CACFD1: variants seen among roughly 807,000 people sequenced by gnomAD.
CACFD1 encodes the protein calcium channel flower homolog.
CACFD1 carries 26 observed loss-of-function variants against 21.3 expected under a neutral mutation model. The ratio of observed to expected loss-of-function variants is 1.22; its 90% CI spans 0.89 to 1.69. The LOEUF (loss-of-function observed/expected upper bound fraction) is 1.69. Among genes scored for constraint, CACFD1 ranks in the 40% most tolerant of loss-of-function variants. The probability of loss-of-function intolerance (pLI) is 0.00; values close to 1 mark genes in which losing one functional copy is unlikely to be tolerated. For missense variants in CACFD1, 265 were observed against 236.2 expected, an observed-to-expected ratio of 1.12 and a Z score of -0.80; for synonymous variants, 121 against 106.6, an observed-to-expected ratio of 1.13 and a Z score of -0.83.
At position 133,469,742 on chromosome 9, in the gene CACFD1, G is replaced by T. The variant is rs1482933560; in HGVS notation, c.*1089G>T. 1 of 152,326 alleles carries T rather than the reference G, an allele frequency of 6.6e-6. No individual in the cohort carries two copies. Among genetic ancestry groups the T allele is most frequent in the Non-Finnish European group, 1.5e-5 (1 of 68,092 alleles). 9.4% of individuals were successfully genotyped at this position (152,326 alleles called of 1,614,324 possible). On this transcript the variant is annotated 3_prime_UTR_variant, in exon 5 of 5. Transcript: ENST00000316948. Reference sequence around the variant, plus strand: ...TCTCTGACCGTGAGGCTGGCTCTCAGCCATCGGGCAGGTGCCTGGTCGGGC... The same window carrying T: ...TCTCTGACCGTGAGGCTGGCTCTCATCCATCGGGCAGGTGCCTGGTCGGGC...
chr9:133,468,305 G>C, intron 4 of CACFD1: 1 of 1,526,286 alleles, frequency 6.6e-7, no homozygotes, highest in Non-Finnish European at 8.8e-7. Context: ...GTCTGCACCG[G>C]GCATTGTACT....
intron 1 of CACFD1, among the ~76,000 whole-genome samples, chr9:133,461,153 G>C (rs1178814206): frequency 6.6e-6 from 1 of 152,260 alleles, no homozygotes; most frequent in African/African-American, 2.4e-5. Flanking sequence ...CTGGCAGAGA[G>C]GGCTAGCTCT....
chr9:133,460,091 G>A lies in CACFD1; in HGVS notation c.25G>A (p.Gly9Arg), dbSNP rs782329177. The part of the protein sequence containing the change: MSSSGGAP[G>R]ASASSAPPAQ... Reference sequence around the variant, plus strand: ...CATGAGCAGCTCAGGTGGGGCGCCCGGGGCGTCCGCCAGCTCTGCGCCGCC... The same window carrying A: ...CATGAGCAGCTCAGGTGGGGCGCCCAGGGCGTCCGCCAGCTCTGCGCCGCC... The change falls in exon 1 of 5, where the codon GGG becomes AGG. Residue 9 changes from glycine (G) to arginine (R), a missense_variant. Gly to Arg is a moderately radical substitution (Grantham distance 125). Transcript: ENST00000316948. 2 of 1,562,570 alleles carry A rather than the reference G, an allele frequency of 1.3e-6. No homozygotes were observed. The highest frequency in any genetic ancestry group is 2.3e-5 in the South Asian group (2 of 85,778).
chr9:133,460,026 GC>G lies in CACFD1; in HGVS notation c.-38del, dbSNP rs782190340. Reference sequence around the variant, plus strand: ...CGGCTCGGACGCGGCCGGCTACCGAGCCCTTTGTGAGGGCTGTGAGCTGCGC... The same window carrying G: ...CGGCTCGGACGCGGCCGGCTACCGAGCCTTTGTGAGGGCTGTGAGCTGCGC... On this transcript the variant is annotated 5_prime_UTR_variant, in exon 1 of 5. Transcript: ENST00000316948. 3 of 1,508,552 alleles carry G rather than the reference GC, an allele frequency of 2.0e-6. No homozygotes were observed. The Admixed American group carries it at 6.4e-5, about 32-fold the overall frequency. The allele number at this position is 1,508,552 out of a possible 1,614,324, so 93.4% of individuals were successfully genotyped here.
At chr9:133,460,275 G>T in intron 1 of CACFD1, 88 bp downstream of exon 1, 1 of 1,249,780 alleles carries the variant, frequency 8.0e-7, no homozygotes, top group South Asian at 1.8e-5. Flanking sequence ...GCGGCCCCAG[G>T]GGAAAGGACC....
chr9:133,470,189 CTGTGTGTGTG>C lies in CACFD1; in HGVS notation c.*1564_*1573del, dbSNP rs36075119. Reference sequence around the variant, plus strand: ...TCAGGCCAGTGCTGGGTTCAAAGGGCTGTGTGTGTGTGTGTGTGTGTGTGTGTGTGTGTGT... The same window carrying C: ...TCAGGCCAGTGCTGGGTTCAAAGGGCTGTGTGTGTGTGTGTGTGTGTGTGT... On this transcript the variant is annotated 3_prime_UTR_variant, in exon 5 of 5. Coordinates refer to ENST00000316948, the MANE Select transcript of CACFD1 (RefSeq NM_017586.5). 0.38 allele frequency: 56,834 copies of C among 149,568 alleles called. 11,532 individuals are homozygous for C. The highest frequency in any genetic ancestry group is 0.47 in the Non-Finnish European group (31,400 of 67,088). The allele number at this position is 149,568 out of a possible 1,614,324, so 9.3% of individuals were successfully genotyped here.
intron 4 of CACFD1, 99 bp downstream of exon 4, chr9:133,468,127 T>C (rs1564458425): frequency 1.8e-6 from 2 of 1,121,390 alleles, no homozygotes; most frequent in East Asian, 2.6e-5. Context: ...TTTTAGCTAG[T>C]GGAGACCGAG....
In CACFD1 at chr9:133,465,466, G is replaced by C. The variant is rs782301874; in HGVS notation, c.320+19G>C. The stretch of plus-strand genomic sequence containing the variant: ...ACTGCGGGTGAGGGGTTGCTGGGCA[G>C]GGTCCCGTGACACAGTTCCCCAAAA... On this transcript the variant is annotated intron_variant, in intron 3 of 4. Coordinates refer to ENST00000316948, the MANE Select transcript of CACFD1 (RefSeq NM_017586.5). This position sits in a 1 kb window ranked among gnomAD's most constrained non-coding sequence, Gnocchi z 5.0. 1 of 1,594,232 alleles carries C rather than the reference G, an allele frequency of 6.3e-7. No individual in the cohort carries two copies. The highest frequency in any genetic ancestry group is 1.1e-5 in the South Asian group (1 of 87,770).
rs974606968 is a variant in CACFD1 at position 133,460,078 on chromosome 9, A to G, written c.12A>G (p.Ser4=). Residue 4 remains serine, a synonymous_variant, in exon 1 of 5, where the codon TCA becomes TCG. Transcript: ENST00000316948. MSS[S]GGAPGASASS... Reference sequence around the variant, plus strand: ...CTGACGGTGGCACCATGAGCAGCTCAGGTGGGGCGCCCGGGGCGTCCGCCA... The same window carrying G: ...CTGACGGTGGCACCATGAGCAGCTCGGGTGGGGCGCCCGGGGCGTCCGCCA... 8.3e-6 allele frequency: 13 copies of G among 1,563,920 alleles called. No individual in the cohort carries two copies. Among genetic ancestry groups the G allele is most frequent in the Middle Eastern group, 1.8e-4 (1 of 5,704 alleles).
chr9:133,463,359 T>G (rs1843294424), intron 1 of CACFD1, 124 bp from the exon 2 acceptor site: 1 of 1,557,592 alleles, frequency 6.4e-7, no homozygotes, highest in South Asian at 1.2e-5. Flanking sequence ...TTCTGGGTGC[T>G]GTGAGAACTG....
chr9:133,466,625 A>G (rs2130999732), intron 3 of CACFD1, among the ~76,000 whole-genome samples: 1 of 152,222 alleles, frequency 6.6e-6, no homozygotes, highest in Non-Finnish European at 1.5e-5. Flanking sequence ...TTTCCTTAAT[A>G]TCTATTTTCA....
rs75328268 is a variant in CACFD1, at chr9:133,465,397, G to C, written c.270G>C (p.Ala90=). 2.4e-4 allele frequency: 387 copies of C among 1,613,942 alleles called. 4 individuals are homozygous for C. The East Asian group carries it at 6.6e-3, about 27-fold the overall frequency. Reference sequence around the variant, plus strand: ...TCATCGAGTTTGCAAACACAGTGGCGGAGAAGGTGGACCGGCTGCGCTCCT... The same window carrying C: ...TCATCGAGTTTGCAAACACAGTGGCCGAGAAGGTGGACCGGCTGCGCTCCT... ...CQFIEFANTV[A]EKVDRLRSWQ... is the part of the protein sequence containing the mutation. The change falls in exon 3 of 5, where the codon GCG becomes GCC. Residue 90 remains alanine, a synonymous_variant. Coordinates refer to ENST00000316948, the MANE Select transcript of CACFD1 (RefSeq NM_017586.5). The surrounding 1 kb of genome is among the most constrained non-coding windows in gnomAD (Gnocchi z 5.0).
Position 133,466,212 on chromosome 9 carries a change from C to T in CACFD1, c.320+765C>T, listed in dbSNP as rs905990075. 3.3e-5 allele frequency among the ~76,000 whole-genome samples: 5 copies of T among 152,146 alleles called. No homozygotes were observed. In the East Asian group the frequency reaches 7.7e-4, roughly 24 times the overall value. ...ACGAAGAACACAGGATCACAAAGCT[C>T]TTATCTACACGCAGTGTCATGTCCT... On this transcript the variant is annotated intron_variant, in intron 3 of 4. Transcript: ENST00000316948.
chr9:133,464,362 G>A (rs1298566295), intron 2 of CACFD1, among the ~76,000 whole-genome samples: 2 of 152,128 alleles, frequency 1.3e-5, no homozygotes, highest in African/African-American at 2.4e-5. Flanking sequence ...ACAGAGAGGC[G>A]CCCAGCCCAG....
In CACFD1 at chr9:133,463,489, C is replaced by T. The variant is rs201796929; in HGVS notation, c.128C>T (p.Ala43Val). 19 of 1,614,064 alleles carry T rather than the reference C, an allele frequency of 1.2e-5. No individual in the cohort carries two copies. In the Admixed American group the frequency reaches 1.3e-4, roughly 11 times the overall value. Reference protein sequence around the residue: ...LSGVLGAVSCAISGLFNCITI... With the variant: ...LSGVLGAVSCVISGLFNCITI... Reference sequence around the variant, plus strand: ...CCGTGTCTCTTGTTTCAAGCTTGCGCGATCTCTGGCCTCTTCAACTGCATC... The same window carrying T: ...CCGTGTCTCTTGTTTCAAGCTTGCGTGATCTCTGGCCTCTTCAACTGCATC... The change falls in exon 2 of 5, where the codon GCG becomes GTG. Residue 43 changes from alanine (A) to valine (V), a missense_variant. Physicochemically the swap from Ala to Val is moderately conservative, Grantham distance 64 (BLOSUM62 0). Transcript: ENST00000316948.
In CACFD1 at chr9:133,468,561, A is replaced by C. The variant is rs143938146; in HGVS notation, c.429-2A>C. 11 of 1,576,248 alleles carry C rather than the reference A, an allele frequency of 7.0e-6. No individual in the cohort carries two copies. Among genetic ancestry groups the C allele is most frequent in the Non-Finnish European group, 9.5e-6 (11 of 1,162,868 alleles). On this transcript the variant is annotated splice_acceptor_variant, in intron 4 of 4. Coordinates refer to ENST00000316948, the MANE Select transcript of CACFD1 (RefSeq NM_017586.5). LOFTEE classifies it high-confidence loss of function. Reference sequence around the variant, plus strand: ...CGTGACGCTGCCTCTCTCTCTCCCCAGGGGCGATGCGATCTCCTATGCCAG... The same window carrying C: ...CGTGACGCTGCCTCTCTCTCTCCCCCGGGGCGATGCGATCTCCTATGCCAG...
At chr9:133,468,214 T>C (rs1843521067) in intron 4 of CACFD1, 186 bp downstream of exon 4, 3 of 1,236,004 alleles carry the variant, frequency 2.4e-6, no homozygotes, top group Non-Finnish European at 3.3e-6. Context: ...ACAACACTTC[T>C]GCGTGGCCCA....
intron 1 of CACFD1, chr9:133,462,136 C>G (rs1015780590): frequency 7.7e-7 from 1 of 1,304,022 alleles, no homozygotes; most frequent in Non-Finnish European, 1.0e-6. Context: ...TCCCCCAAGG[C>G]TGGCTGTGGG....
chr9:133,463,567 A>G lies in CACFD1; in HGVS notation c.194+12A>G. 1.2e-6 allele frequency: 2 copies of G among 1,613,690 alleles called. No homozygotes were observed. Among genetic ancestry groups the G allele is most frequent in the Non-Finnish European group, 1.7e-6 (2 of 1,179,778 alleles). On this transcript the variant is annotated intron_variant, in intron 2 of 4. Coordinates refer to ENST00000316948, the MANE Select transcript of CACFD1 (RefSeq NM_017586.5). ...GGCGTGTGGATGATGTGAGTAATGC[A>G]TGGCCGTCCCACCCCGGGGGTCTTG...
Sources: allele counts gnomAD v4.1 joint callset (sites outside exome capture counted in the v4.1 genomes callset), GRCh38; gene constraint gnomAD v4.1.1; non-coding constraint Gnocchi (gnomAD v3.1); transcripts MANE v1.5; gene names NCBI Gene and HGNC (gene_info 2026-07-23, HGNC 2026-07-21).